The following FLNB variants were observed in gnomAD, a reference collection of about 807,000 sequenced individuals.
FLNB encodes the protein filamin-B.
Under a neutral mutation model 250.6 loss-of-function variants are expected in FLNB, and 111 were observed. That is an observed-to-expected ratio of 0.44 (90% CI 0.38 to 0.52). FLNB has a LOEUF of 0.52. Ranked by LOEUF, FLNB falls within the 20% of genes least tolerant of loss-of-function variation. The probability of loss-of-function intolerance (pLI) is 0.00; values close to 1 mark genes in which losing one functional copy is unlikely to be tolerated. For synonymous variants in FLNB, 1,302 were observed against 1,372.1 expected (o/e 0.95, Z 1.13); for missense variants, 2,869 against 3,447.8 (o/e 0.83, Z 4.20).
At chr3:58,113,340 T>C (rs2097272259) in intron 18 of FLNB, among the ~76,000 whole-genome samples, 1 of 152,236 alleles carries the variant, frequency 6.6e-6, no homozygotes, top group African/African-American at 2.4e-5. Flanking sequence ...TTAAGGGAAA[T>C]GATCCTGCTG....
chr3:58,141,352 C>T (rs557854409), intron 29 of FLNB, among the ~76,000 whole-genome samples: 1 of 152,294 alleles, frequency 6.6e-6, no homozygotes, highest in Admixed American at 6.5e-5. Context: ...TAGTTTTTAC[C>T]TACTTACACT....
chr3:58,051,586 G>A (rs1276986920), intron 1 of FLNB, among the ~76,000 whole-genome samples: 2 of 152,164 alleles, frequency 1.3e-5, no homozygotes, highest in Admixed American at 6.5e-5. Flanking sequence ...TGATTCCGAA[G>A]GTAGACCCAG....
chr3:58,141,595 A>G (rs1397914727), intron 29 of FLNB, among the ~76,000 whole-genome samples: 1 of 152,206 alleles, frequency 6.6e-6, no homozygotes, highest in East Asian at 1.9e-4. Context: ...CCTTACACAC[A>G]TCAATTAACT....
intron 4 of FLNB, among the ~76,000 whole-genome samples, chr3:58,083,997 T>A (rs1163668497): frequency 6.6e-6 from 1 of 151,854 alleles, no homozygotes; most frequent in Non-Finnish European, 1.5e-5. Flanking sequence ...ATTGAGACCA[T>A]CCTGGCTAAC....
At chr3:58,078,327 G>A (rs538048896) in intron 2 of FLNB, 1 of 1,447,326 alleles carries the variant, frequency 6.9e-7, no homozygotes, top group African/African-American at 1.4e-5. Flanking sequence ...TTGAGCAAGT[G>A]GATTTTTGAA....
At chr3:58,125,448 T>A in intron 22 of FLNB, 133 bp from the exon 23 acceptor site, 2 of 1,096,100 alleles carry the variant, frequency 1.8e-6, no homozygotes, top group Non-Finnish European at 2.7e-6. Flanking sequence ...ACTGTGTTTT[T>A]AACCCCCTTT....
intron 1 of FLNB, among the ~76,000 whole-genome samples, chr3:58,024,688 C>T (rs59067063): frequency 7.2e-6 from 1 of 139,036 alleles, no homozygotes; most frequent in Non-Finnish European, 1.6e-5. Flanking sequence ...TTCTGGTCTT[C>T]TGGCCAAGCC....
At chr3:58,100,842 A>G (rs1026284090) in intron 8 of FLNB, among the ~76,000 whole-genome samples, 6 of 150,604 alleles carry the variant, frequency 4.0e-5, no homozygotes, top group Admixed American at 1.3e-4. Flanking sequence ...CAAGTGATCC[A>G]CCTGCCTCGG....
chr3:58,130,557 G>T (rs549713907), intron 24 of FLNB, among the ~76,000 whole-genome samples, 184 bp from the exon 25 acceptor site: 1 of 152,310 alleles, frequency 6.6e-6, no homozygotes, highest in Admixed American at 6.5e-5. Flanking sequence ...CACGTAGTAG[G>T]TGTTCTGTGA....
chr3:58,101,076 T>G (rs2097250395), intron 8 of FLNB, among the ~76,000 whole-genome samples: 1 of 152,188 alleles, frequency 6.6e-6, no homozygotes, highest in African/African-American at 2.4e-5. Flanking sequence ...CCAAAGTCAC[T>G]TGCCATAAAG....
chr3:58,156,114 C>T lies in FLNB; in HGVS notation c.6888+39C>T, dbSNP rs1192488899. ...AAGCATCCATCTCCTTGGCCGCAGG[C>T]CACCAGTGAGACCCCTGGACTCCTG... is the stretch of plus-strand genomic sequence containing the variant. On this transcript the variant is annotated intron_variant, in intron 41 of 45. Transcript: ENST00000295956. 3 of 1,504,684 alleles carry T rather than the reference C, an allele frequency of 2.0e-6. No individual in the cohort carries two copies. The South Asian group carries it at 3.4e-5, about 17-fold the overall frequency. The allele number at this position is 1,504,684 out of a possible 1,614,324, so 93.2% of individuals were successfully genotyped here. A position where few individuals can be genotyped will look rare whatever the true frequency, so the allele number is the denominator to read the frequency against.
intron 1 of FLNB, among the ~76,000 whole-genome samples, chr3:58,055,267 C>CAA (rs11375409): frequency 0.026 from 3,800 of 144,164 alleles, 134 homozygotes; most frequent in African/African-American, 0.09. Context: ...TTCTGTCTCT[C>CAA]AAAAAAAAAA....
chr3:58,033,165 T>C (rs1384967081), intron 1 of FLNB, among the ~76,000 whole-genome samples: 1 of 152,164 alleles, frequency 6.6e-6, no homozygotes, highest in Admixed American at 6.6e-5. Flanking sequence ...ATACACACAC[T>C]CCTGTGTACA....
intron 1 of FLNB, among the ~76,000 whole-genome samples, chr3:58,029,607 C>T (rs1344585745): frequency 2.6e-5 from 4 of 151,578 alleles, no homozygotes; most frequent in East Asian, 3.9e-4. Context: ...TGGTGTCAAG[C>T]GATTCTCCTG....
intron 42 of FLNB, among the ~76,000 whole-genome samples, chr3:58,160,708 C>T (rs2097360023): frequency 6.6e-6 from 1 of 152,074 alleles, no homozygotes; most frequent in African/African-American, 2.4e-5. Context: ...GAAATCTAGG[C>T]TCTGACCAGG....
intron 1 of FLNB, among the ~76,000 whole-genome samples, chr3:58,065,540 C>T (rs1047079946): frequency 1.3e-5 from 2 of 152,346 alleles, no homozygotes; most frequent in East Asian, 3.9e-4. Flanking sequence ...TAAAAGCCAC[C>T]CTCACAGGGT....
At chr3:58,020,046 G>GGGGT (rs1553680494) in intron 1 of FLNB, among the ~76,000 whole-genome samples, 2 of 114,154 alleles carry the variant, frequency 1.8e-5, no homozygotes, top group African/African-American at 3.4e-5. Flanking sequence ...TGACACCACA[G>GGGGT]GGGTGTGTGT....
chr3:58,143,947 G>T (rs2097331496), intron 32 of FLNB, among the ~76,000 whole-genome samples: 1 of 152,130 alleles, frequency 6.6e-6, no homozygotes, highest in East Asian at 1.9e-4. Context: ...GCAGAGCCCT[G>T]TGTGGGCTGG....
intron 35 of FLNB, 104 bp from the exon 36 acceptor site, chr3:58,148,545 T>C: frequency 8.0e-7 from 1 of 1,251,812 alleles, no homozygotes; most frequent in Non-Finnish European, 1.2e-6. Flanking sequence ...CTCTGGATTG[T>C]TGGGTGTCAG....
Sources: allele counts gnomAD v4.1 joint callset (sites outside exome capture counted in the v4.1 genomes callset), GRCh38; gene constraint gnomAD v4.1.1; transcripts MANE v1.5; gene names NCBI Gene and HGNC (gene_info 2026-07-23, HGNC 2026-07-21).